Variants in SNTG2 observed in about 807,000 individuals in gnomAD.
SNTG2 encodes the protein syntrophin gamma 2, also known as gamma-2-syntrophin.
SNTG2 carries 74 observed loss-of-function variants against 70.9 expected under a neutral mutation model. The observed-to-expected ratio is 1.04, with a 90% CI of 0.86 to 1.27. The LOEUF (loss-of-function observed/expected upper bound fraction) is 1.27, where lower values mean the gene tolerates loss of function less well. SNTG2 is among the 50% of genes most tolerant of loss of function. The pLI is 0.00. For missense variants in SNTG2, 717 were observed against 690.7 expected, an observed-to-expected ratio of 1.04 and a Z score of -0.43; for synonymous variants, 278 against 273.8, an observed-to-expected ratio of 1.02 and a Z score of -0.15.
At chr2:1,106,032 C>A in intron 4 of SNTG2, among the ~76,000 whole-genome samples, 1 of 150,536 alleles carries the variant, frequency 6.6e-6, no homozygotes, top group Admixed American at 6.6e-5. Flanking sequence ...CACGTGCTGT[C>A]ACTCGGGTGC....
At chr2:969,473 A>G (rs990235082) in intron 1 of SNTG2, among the ~76,000 whole-genome samples, 4 of 152,182 alleles carry the variant, frequency 2.6e-5, no homozygotes, top group Admixed American at 2.0e-4. Flanking sequence ...TTTTAACACT[A>G]TTGATTCTTC....
At chr2:1,355,564 T>C (rs749355709) in intron 16 of SNTG2, among the ~76,000 whole-genome samples, 9 of 152,230 alleles carry the variant, frequency 5.9e-5, no homozygotes, top group Non-Finnish European at 1.0e-4. Flanking sequence ...GCATACACCA[T>C]ACTTCTTTAT....
chr2:1,100,854 T>C (rs7606829), intron 4 of SNTG2, among the ~76,000 whole-genome samples: 24,308 of 152,078 alleles, frequency 0.16, 2,101 homozygotes, highest in African/African-American at 0.2. Context: ...AGGATGTTTA[T>C]GGTCAATTCA....
intron 16 of SNTG2, among the ~76,000 whole-genome samples, chr2:1,347,225 T>A (rs866628689): frequency 3.3e-5 from 5 of 152,146 alleles, no homozygotes; most frequent in African/African-American, 1.2e-4. Context: ...GGCATCACCA[T>A]AACAGGTAGG....
chr2:1,144,080 G>C (rs1668942244), intron 6 of SNTG2, among the ~76,000 whole-genome samples: 1 of 152,138 alleles, frequency 6.6e-6, no homozygotes, highest in Admixed American at 6.6e-5. Flanking sequence ...ACCCAAGGGT[G>C]TGCTTATCTG....
At position 1,167,199 on chromosome 2, in the gene SNTG2, C is replaced by T. The variant is rs189971224; in HGVS notation, c.499+1564C>T. Among the ~76,000 whole-genome samples the T allele has an allele frequency of 8.0e-5, 12 of 150,800 alleles. No individual in the cohort carries two copies. The South Asian group carries it at 8.4e-4, about 11-fold the overall frequency. ...GATGGCAGAACTGAAACCTACAGGC[C>T]GCCCACAGATGGCGGAACTGAAGCC... is the stretch of plus-strand genomic sequence containing the variant. On this transcript the variant is annotated intron_variant, in intron 7 of 16. Coordinates refer to ENST00000308624, the MANE Select transcript of SNTG2 (RefSeq NM_018968.4).
At chr2:1,082,925 A>T (rs113585887) in intron 1 of SNTG2, among the ~76,000 whole-genome samples, 1,912 of 152,228 alleles carry the variant, frequency 0.013, 10 homozygotes, top group African/African-American at 0.015. Context: ...AATACTTCCT[A>T]GCAATTCCAC....
At chr2:1,154,842 CACAA>C (rs112655322) in intron 6 of SNTG2, among the ~76,000 whole-genome samples, 1,596 of 151,976 alleles carry the variant, frequency 0.011, 25 homozygotes, top group African/African-American at 0.037. Context: ...TATACACACA[CACAA>C]ACAACACATA....
chr2:1,129,811 T>C (rs6734813), intron 4 of SNTG2, among the ~76,000 whole-genome samples: 4,278 of 152,282 alleles, frequency 0.028, 209 homozygotes, highest in African/African-American at 0.098. Flanking sequence ...GCAAAGTTTA[T>C]TGAGCCTGGA....
At chr2:1,214,741 AT>A (rs1382948046) in intron 9 of SNTG2, among the ~76,000 whole-genome samples, 2 of 151,998 alleles carry the variant, frequency 1.3e-5, no homozygotes, top group Non-Finnish European at 2.9e-5. Flanking sequence ...CTTTTTCATA[AT>A]TGTTCTTGTT....
rs1218525328 is a variant in SNTG2 at position 1,361,703 on chromosome 2, AC to A, written c.1489-5639del. Among the ~76,000 whole-genome samples the A allele has an allele frequency of 1.4e-5, 2 of 146,042 alleles. 1 individual carries two copies. Among genetic ancestry groups the A allele is most frequent in the Non-Finnish European group, 3.1e-5 (2 of 65,094 alleles). On this transcript the variant is annotated intron_variant, in intron 16 of 16. Coordinates refer to ENST00000308624, the MANE Select transcript of SNTG2 (RefSeq NM_018968.4). ...CACCGACGCTGAGCATTTCAGTAGA[AC>A]TTCTGTGAAGGTCACCGATGCTGAG... is the stretch of plus-strand genomic sequence containing the variant.
intron 11 of SNTG2, among the ~76,000 whole-genome samples, chr2:1,246,841 C>T (rs999122892): frequency 7.9e-5 from 12 of 152,102 alleles, no homozygotes; most frequent in Middle Eastern, 6.3e-3. Context: ...ATTCACTGCT[C>T]ATTGTAAGAA....
intron 9 of SNTG2, among the ~76,000 whole-genome samples, chr2:1,234,938 C>T (rs1225562638): frequency 2.0e-5 from 3 of 152,256 alleles, no homozygotes; most frequent in Admixed American, 6.5e-5. Context: ...TTCAGTCATC[C>T]ATGCATTTGG....
At chr2:1,151,097 G>A (rs573978527) in intron 6 of SNTG2, among the ~76,000 whole-genome samples, 4 of 152,320 alleles carry the variant, frequency 2.6e-5, no homozygotes, top group South Asian at 4.1e-4. Context: ...ATGGTATGAC[G>A]AACAGTGGAA....
chr2:1,147,135 A>G (rs1415377941), intron 6 of SNTG2, among the ~76,000 whole-genome samples: 3 of 152,188 alleles, frequency 2.0e-5, no homozygotes, highest in Non-Finnish European at 4.4e-5. Flanking sequence ...GTTAGGTATA[A>G]TTATAACCTC....
chr2:1,232,316 T>TC (rs908753492), intron 9 of SNTG2, among the ~76,000 whole-genome samples: 3 of 152,100 alleles, frequency 2.0e-5, no homozygotes, highest in African/African-American at 7.2e-5. Flanking sequence ...CTTTTTTTTT[T>TC]CCCCTGAGAC....
At chr2:1,000,517 C>A (rs1047707699) in intron 1 of SNTG2, among the ~76,000 whole-genome samples, 1 of 151,630 alleles carries the variant, frequency 6.6e-6, no homozygotes, top group Non-Finnish European at 1.5e-5. Flanking sequence ...GACTAGAAAA[C>A]CTAGAGGAAA....
intron 1 of SNTG2, among the ~76,000 whole-genome samples, chr2:970,956 C>A (rs1660719870): frequency 6.6e-6 from 1 of 152,210 alleles, no homozygotes; most frequent in African/African-American, 2.4e-5. Context: ...GAGATATCAT[C>A]TCACACCAGT....
chr2:1,255,875 T>TATATATAAAA (rs1553373349), intron 12 of SNTG2, among the ~76,000 whole-genome samples: 2 of 55,858 alleles, frequency 3.6e-5, no homozygotes, highest in East Asian at 7.0e-4. Flanking sequence ...TATATATAAA[T>TATATATAAAA]ATATATATAA....
Sources: gnomAD v4.1 joint callset for allele counts (sites outside exome capture counted in the v4.1 genomes callset) on GRCh38, gnomAD v4.1.1 for gene constraint, MANE v1.5 for transcripts, NCBI Gene and HGNC (gene_info 2026-07-23, HGNC 2026-07-21) for gene names.